Variants in NETO1 observed in about 807,000 individuals in gnomAD.
The protein encoded by NETO1 is neuropilin and tolloid like 1, also known as neuropilin and tolloid-like protein 1.
Under a neutral mutation model 61.3 loss-of-function variants are expected in NETO1, and 26 were observed. The observed-to-expected ratio is 0.42, with a 90% confidence interval of 0.31 to 0.59. The LOEUF is 0.59. Among genes scored for constraint, NETO1 ranks in the 20% least tolerant of loss-of-function variants. The probability of loss-of-function intolerance (pLI) is 0.12; values close to 1 mark genes in which losing one functional copy is unlikely to be tolerated. For missense variants in NETO1, 531 were observed against 662.8 expected, an observed-to-expected ratio of 0.80 and a Z score of 2.18; for synonymous variants, 225 against 225.8, an observed-to-expected ratio of 1.00 and a Z score of 0.03.
At chr18:72,866,907 C>T (rs2074752477) in intron 1 of NETO1, 8 of 530,458 alleles carry the variant, frequency 1.5e-5, no homozygotes, top group Non-Finnish European at 1.8e-5. Context: ...ACTCCTCTGG[C>T]CCCACTAGGT....
intron 4 of NETO1, among the ~76,000 whole-genome samples, chr18:72,797,393 T>G (rs1005264081): frequency 6.6e-6 from 1 of 152,208 alleles, no homozygotes; most frequent in Non-Finnish European, 1.5e-5. Flanking sequence ...TTTTTGTAAT[T>G]CCATTTGTAT....
At chr18:72,849,461 G>A (rs1274081826) in intron 4 of NETO1, among the ~76,000 whole-genome samples, 2 of 152,064 alleles carry the variant, frequency 1.3e-5, no homozygotes, top group African/African-American at 4.8e-5. Flanking sequence ...ACTTCCTTCT[G>A]TGTCCTTGTG....
intron 4 of NETO1, among the ~76,000 whole-genome samples, chr18:72,832,654 A>T (rs988460570): frequency 6.6e-6 from 1 of 152,178 alleles, no homozygotes; most frequent in African/African-American, 2.4e-5. Flanking sequence ...GTGTCATCCA[A>T]GGGATTGATG....
intron 4 of NETO1, among the ~76,000 whole-genome samples, chr18:72,840,599 C>T (rs2073898896): frequency 6.6e-6 from 1 of 151,914 alleles, no homozygotes; most frequent in South Asian, 2.1e-4. Context: ...ATTATATAAC[C>T]CAACAGGAAA....
intron 4 of NETO1, among the ~76,000 whole-genome samples, chr18:72,842,749 A>AT (rs2073973800): frequency 6.6e-6 from 1 of 152,196 alleles, no homozygotes; most frequent in Non-Finnish European, 1.5e-5. Context: ...TGGGTTCTTC[A>AT]TTTAAACATT....
intron 4 of NETO1, among the ~76,000 whole-genome samples, chr18:72,850,717 ATTAT>A (rs2074222757): frequency 6.6e-6 from 1 of 152,188 alleles, no homozygotes; most frequent in African/African-American, 2.4e-5. Flanking sequence ...GAGTGTAAGA[ATTAT>A]TTATTTGTTT....
Position 72,864,807 on chromosome 18 carries a change from C to T in NETO1, c.220+1G>A. The stretch of plus-strand genomic sequence containing the variant: ...TTAACTCTGGCACTGTCTCCCCTTA[C>T]CTTCTATGATGTAGATGCATTCCCG... On this transcript the variant is annotated splice_donor_variant, in intron 3 of 10. Coordinates refer to ENST00000327305, the MANE Select transcript of NETO1 (RefSeq NM_138966.5). LOFTEE classifies it high-confidence loss of function. 1 of 1,613,726 alleles carries T rather than the reference C, an allele frequency of 6.2e-7. No individual in the cohort carries two copies. The highest frequency in any genetic ancestry group is 8.5e-7 in the Non-Finnish European group (1 of 1,179,932).
intron 3 of NETO1, among the ~76,000 whole-genome samples, chr18:72,859,908 G>A (rs979997621): frequency 7.2e-6 from 1 of 138,848 alleles, no homozygotes. Flanking sequence ...GCTTAGCATA[G>A]TATTTGTCAT....
chr18:72,783,461 C>T (rs987708777), intron 7 of NETO1, among the ~76,000 whole-genome samples: 5 of 152,140 alleles, frequency 3.3e-5, no homozygotes, highest in Admixed American at 3.3e-4. Flanking sequence ...TTAAGAAAGG[C>T]TATGGTGCAT....
chr18:72,845,081 T>G (rs2074044901), intron 4 of NETO1, among the ~76,000 whole-genome samples: 1 of 152,220 alleles, frequency 6.6e-6, no homozygotes, highest in Non-Finnish European at 1.5e-5. Flanking sequence ...CATTCTAACA[T>G]CTCAACATTT....
intron 8 of NETO1, among the ~76,000 whole-genome samples, chr18:72,751,076 C>CACACACACACACAT (rs770327024): frequency 6.6e-6 from 1 of 151,768 alleles, no homozygotes; most frequent in Admixed American, 6.6e-5. Context: ...CACACACACA[C>CACACACACACACAT]AATCTATCTA....
rs2070392503 is a variant in NETO1, at chr18:72,744,556, G to A, written c.*3623C>T. On this transcript the variant is annotated 3_prime_UTR_variant, in exon 11 of 11. Coordinates refer to ENST00000327305, the MANE Select transcript of NETO1 (RefSeq NM_138966.5). ...AATAGATAGAAATGAATCCATGGAG[G>A]GAAAAGGGCACAGAGAAAAATGGCA... The A allele has an allele frequency of 6.6e-6, 1 of 152,008 alleles. No homozygotes were observed. The highest frequency in any genetic ancestry group is 2.1e-4 in the South Asian group (1 of 4,824). 9.4% of individuals were successfully genotyped at this position (152,008 alleles called of 1,614,324 possible).
chr18:72,765,416 A>C (rs1176390022), intron 7 of NETO1, among the ~76,000 whole-genome samples: 1 of 151,484 alleles, frequency 6.6e-6, no homozygotes, highest in African/African-American at 2.4e-5. Flanking sequence ...TCACAATAAA[A>C]ATTCTTTTTT....
chr18:72,794,498 C>T, intron 4 of NETO1, 94 bp from the exon 5 acceptor site: 1 of 1,199,362 alleles, frequency 8.3e-7, no homozygotes, highest in Admixed American at 2.3e-5. Flanking sequence ...CAGAAATCTA[C>T]CTTAAAAAAC....
At chr18:72,857,523 A>G (rs2074443059) in intron 4 of NETO1, among the ~76,000 whole-genome samples, 1 of 152,246 alleles carries the variant, frequency 6.6e-6, no homozygotes, top group South Asian at 2.1e-4. Flanking sequence ...AACCAGAATG[A>G]AAATATAACT....
intron 4 of NETO1, among the ~76,000 whole-genome samples, chr18:72,840,801 G>A (rs533830206): frequency 6.6e-6 from 1 of 152,302 alleles, no homozygotes; most frequent in African/African-American, 2.4e-5. Context: ...TTCAGGTAGA[G>A]TGACTGATAT....
intron 3 of NETO1, among the ~76,000 whole-genome samples, chr18:72,862,660 A>C (rs1418106267): frequency 1.5e-5 from 2 of 130,442 alleles, no homozygotes; most frequent in Admixed American, 1.9e-4. Flanking sequence ...TCGCTCTGTC[A>C]CCCGGGCTGG....
At chr18:72,806,540 C>T (rs1451008260) in intron 4 of NETO1, among the ~76,000 whole-genome samples, 3 of 152,166 alleles carry the variant, frequency 2.0e-5, no homozygotes, top group Admixed American at 1.3e-4. Context: ...CTCTACCTAT[C>T]TTCTGGATTT....
At chr18:72,824,270 C>G (rs1242252846) in intron 4 of NETO1, among the ~76,000 whole-genome samples, 1 of 152,172 alleles carries the variant, frequency 6.6e-6, no homozygotes, top group African/African-American at 2.4e-5. Flanking sequence ...ACATTCAAAT[C>G]TTTTGCTGGA....
Sources: gnomAD v4.1 joint callset for allele counts (sites outside exome capture counted in the v4.1 genomes callset) on GRCh38, gnomAD v4.1.1 for gene constraint, MANE v1.5 for transcripts, NCBI Gene and HGNC (gene_info 2026-07-23, HGNC 2026-07-21) for gene names.